Variants in MTAP observed in about 807,000 individuals in gnomAD.
The protein encoded by MTAP is methylthioadenosine phosphorylase, also known as S-methyl-5'-thioadenosine phosphorylase.
In MTAP, 33 loss-of-function variants were observed where a neutral mutation model predicts 33.6. The observed-to-expected ratio is 0.98, with a 90% CI of 0.74 to 1.31. MTAP has a LOEUF of 1.31. MTAP is among the 40% of genes most tolerant of loss of function. The probability of loss-of-function intolerance (pLI) is 0.00; values close to 1 mark genes in which losing one functional copy is unlikely to be tolerated. For missense variants in MTAP, 367 were observed against 360.0 expected (o/e 1.02, Z -0.16); for synonymous variants, 148 against 125.7 (o/e 1.18, Z -1.19).
intron 4 of MTAP, among the ~76,000 whole-genome samples, chr9:21,832,668 T>TA (rs1825003358): frequency 6.6e-6 from 1 of 152,226 alleles, no homozygotes; most frequent in African/African-American, 2.4e-5. Flanking sequence ...GGTTCATTCT[T>TA]ACGTTCTGTT....
intron 1 of MTAP, among the ~76,000 whole-genome samples, chr9:21,900,666 G>T (rs1347104394): frequency 6.6e-6 from 1 of 152,160 alleles, no homozygotes; most frequent in Non-Finnish European, 1.5e-5. Context: ...CCATTACTGG[G>T]TATATACCCA....
chr9:21,864,926 G>A lies in MTAP; in HGVS notation c.*2912G>A, dbSNP rs775831366. 1.0e-5 allele frequency: 10 copies of A among 985,368 alleles called. No individual in the cohort carries two copies. Among genetic ancestry groups the A allele is most frequent in the Non-Finnish European group, 1.1e-5 (9 of 829,964 alleles). 61.0% of individuals were successfully genotyped at this position (985,368 alleles called of 1,614,324 possible). ...CAAATAATTATTCATTCTTGTGACA[G>A]TGGCCTGAACATGTTTTTAATTTTC... On this transcript the variant is annotated 3_prime_UTR_variant, in exon 8 of 8. Transcript: ENST00000644715.
intron 1 of MTAP, among the ~76,000 whole-genome samples, chr9:21,806,008 T>A (rs1449307969): frequency 1.3e-5 from 2 of 152,052 alleles, no homozygotes; most frequent in Non-Finnish European, 2.9e-5. Flanking sequence ...ACAGTGAGAA[T>A]TGGGTGGATG....
At chr9:21,917,494 A>G (rs1443572981) in intron 1 of MTAP, among the ~76,000 whole-genome samples, 3 of 152,230 alleles carry the variant, frequency 2.0e-5, no homozygotes, top group Non-Finnish European at 2.9e-5. Context: ...AGAAATTGTG[A>G]TGCTTGTCAC....
chr9:21,924,384 T>C (rs997200826), intron 1 of MTAP, among the ~76,000 whole-genome samples: 2 of 152,172 alleles, frequency 1.3e-5, no homozygotes, highest in Non-Finnish European at 2.9e-5. Flanking sequence ...CACAGCCTGG[T>C]TTTAATACAA....
chr9:21,832,391 ACG>A (rs1261210549), intron 4 of MTAP, among the ~76,000 whole-genome samples: 1 of 152,234 alleles, frequency 6.6e-6, no homozygotes, highest in Non-Finnish European at 1.5e-5. Context: ...GTAAAGAGTT[ACG>A]CAAGAAGCCT....
chr9:21,811,743 C>A, intron 1 of MTAP: 1 of 531,548 alleles, frequency 1.9e-6, no homozygotes. Context: ...TCCATCTCAT[C>A]CATGCCCTCG....
rs1375732305 is a variant in MTAP, at chr9:21,854,786, G to C, written c.606G>C (p.Val202=). The C allele has an allele frequency of 1.2e-6, 2 of 1,614,044 alleles. No individual in the cohort carries two copies. The highest frequency in any genetic ancestry group is 4.5e-5 in the East Asian group (2 of 44,890). The part of the protein sequence containing the change: ...DVINMTTVPE[V]VLAKEAGICY... ...TCAACATGACCACAGTTCCAGAGGT[G>C]GTTCTTGCTAAGGAGGCTGGAATTT... Residue 202 remains valine (V), a synonymous_variant, in exon 6 of 8, where the codon GTG becomes GTC. Transcript: ENST00000644715.
At chr9:21,869,137 A>C (rs1334853139), downstream of MTAP, among the ~76,000 whole-genome samples, 2 of 152,106 alleles carry the variant, frequency 1.3e-5, no homozygotes, top group Non-Finnish European at 1.5e-5. Flanking sequence ...AAAATTCTTG[A>C]CCCCAATTCT....
chr9:21,897,380 G>GTTCTCT lies in MTAP; in HGVS notation c.148-33628_148-33627insTTCTCT, dbSNP rs1195982647. Among the ~76,000 whole-genome samples, 601 of 152,260 alleles carry GTTCTCT rather than the reference G, an allele frequency of 3.9e-3. 5 individuals carry two copies. Among genetic ancestry groups the GTTCTCT allele is most frequent in the African/African-American group, 0.014 (561 of 41,522 alleles). ...AACATAGTGTTGGAAGTTCTAGCCA[G>GTTCTCT]GGCAATCAGGCAAGAGAAAGAAATA... On this transcript the variant is annotated intron_variant, in intron 1 of 1. Transcript: ENST00000577563.
chr9:21,824,468 G>C (rs938622685), intron 4 of MTAP, among the ~76,000 whole-genome samples: 3 of 152,168 alleles, frequency 2.0e-5, no homozygotes, highest in Non-Finnish European at 4.4e-5. Context: ...TGGAAGCTTC[G>C]TCTCAGAGGG....
At chr9:21,884,312 A>G (rs980702150) in intron 1 of MTAP, among the ~76,000 whole-genome samples, 2 of 152,166 alleles carry the variant, frequency 1.3e-5, no homozygotes, top group African/African-American at 4.8e-5. Context: ...AATGGACACA[A>G]CACAATGCTC....
At chr9:21,816,901 T>G (rs1420111259) in intron 3 of MTAP, 129 bp downstream of exon 3, 1 of 716,240 alleles carries the variant, frequency 1.4e-6, no homozygotes, top group Non-Finnish European at 2.2e-6. Context: ...CTTAGTAACC[T>G]TTATTTACAA....
chr9:21,893,286 A>G (rs1047173807), intron 1 of MTAP: 1 of 152,232 alleles, frequency 6.6e-6, no homozygotes, highest in Non-Finnish European at 1.5e-5. Context: ...CACTGGTACA[A>G]AAACAAAAAC....
At chr9:21,913,472 A>C (rs1387943444) in intron 1 of MTAP, among the ~76,000 whole-genome samples, 4 of 152,118 alleles carry the variant, frequency 2.6e-5, no homozygotes, top group South Asian at 2.1e-4. Context: ...GGAAATAATA[A>C]CAAACATCTA....
At chr9:21,828,030 CAT>C (rs2118198486) in intron 4 of MTAP, among the ~76,000 whole-genome samples, 1 of 152,270 alleles carries the variant, frequency 6.6e-6, no homozygotes, top group Non-Finnish European at 1.5e-5. Context: ...CTTTTACTCA[CAT>C]GTCTTAAATG....
At chr9:21,819,511 G>A (rs1824576046) in intron 4 of MTAP, among the ~76,000 whole-genome samples, 1 of 152,186 alleles carries the variant, frequency 6.6e-6, no homozygotes, top group Non-Finnish European at 1.5e-5. Flanking sequence ...TGGTGTATAT[G>A]TGCCACATTT....
chr9:21,940,110 G>C (rs1819112652), downstream of MTAP, among the ~76,000 whole-genome samples: 1 of 152,140 alleles, frequency 6.6e-6, no homozygotes, highest in Admixed American at 6.5e-5. Context: ...GACCCTTAAG[G>C]ACCCTTAAGG....
At chr9:21,867,232 G>A (rs1211828279), downstream of MTAP, among the ~76,000 whole-genome samples, 4 of 152,128 alleles carry the variant, frequency 2.6e-5, no homozygotes, top group East Asian at 5.8e-4. Flanking sequence ...TAGAAGCGGT[G>A]TGTGAGTTGT....
Sources: allele counts gnomAD v4.1 joint callset (sites outside exome capture counted in the v4.1 genomes callset), GRCh38; gene constraint gnomAD v4.1.1; transcripts MANE v1.5; gene names NCBI Gene and HGNC (gene_info 2026-07-23, HGNC 2026-07-21).